Variants in NOL9 observed in about 807,000 individuals in gnomAD.
NOL9 encodes polynucleotide 5'-hydroxyl-kinase NOL9.
A neutral mutation model predicts 67.9 loss-of-function variants in NOL9; 28 were observed. That is an observed-to-expected ratio of 0.41 (90% CI 0.31 to 0.57). The LOEUF (loss-of-function observed/expected upper bound fraction) is 0.57. NOL9 is among the 20% of genes least tolerant of loss of function. The probability of loss-of-function intolerance (pLI) is 0.25; values close to 1 mark genes in which losing one functional copy is unlikely to be tolerated. For synonymous variants in NOL9, 356 were observed against 352.2 expected, an observed-to-expected ratio of 1.01 and a Z score of -0.12; for missense variants, 777 against 897.0, an observed-to-expected ratio of 0.87 and a Z score of 1.71.
chr1:6,528,734 AG>A (rs1179842398), intron 10 of NOL9, among the ~76,000 whole-genome samples: 2 of 152,236 alleles, frequency 1.3e-5, no homozygotes, highest in Non-Finnish European at 2.9e-5. Context: ...GAGACAGCCT[AG>A]GGGAGAAGTG....
intron 6 of NOL9, among the ~76,000 whole-genome samples, chr1:6,534,790 T>C (rs1223854846): frequency 6.6e-6 from 1 of 152,032 alleles, no homozygotes; most frequent in African/African-American, 2.4e-5. Context: ...TCTGTCTCTC[T>C]CTCTTTCTCT....
chr1:6,551,648 C>T (rs1639545061), intron 1 of NOL9, among the ~76,000 whole-genome samples: 1 of 151,854 alleles, frequency 6.6e-6, no homozygotes, highest in South Asian at 2.1e-4. Context: ...TAAAAGGCTG[C>T]AGCCATAAAA....
Position 6,532,727 on chromosome 1 carries a change from C to T in NOL9, c.1271G>A (p.Arg424Gln), listed in dbSNP as rs774171115. 2 of 1,613,812 alleles carry T rather than the reference C, an allele frequency of 1.2e-6. No individual in the cohort carries two copies. The highest frequency in any genetic ancestry group is 1.3e-5 in the African/African-American group (1 of 74,986). Residue 424 changes from arginine to glutamine, a missense_variant, in exon 8 of 12, where the codon CGA becomes CAA. Physicochemically the swap from Arg to Gln is conservative, Grantham distance 43. Coordinates refer to ENST00000377705, the MANE Select transcript of NOL9 (RefSeq NM_024654.5). ...AACCACGTGGCTGGGAGACAGCAAT[C>T]GGATCAGATCAATGAGAAGCAGGAG... ...QGLLLLIDLI[R>Q]LLSPSHVVQF...
intron 8 of NOL9, 113 bp from the exon 9 acceptor site, chr1:6,532,192 C>G (rs1639044328): frequency 1.2e-6 from 1 of 864,680 alleles, no homozygotes; most frequent in African/African-American, 1.7e-5. Context: ...TCCAACACTG[C>G]CCCCCCTTGA....
chr1:6,550,375 T>C, intron 2 of NOL9, 21 bp downstream of exon 2: 1 of 1,601,416 alleles, frequency 6.2e-7, no homozygotes, highest in Non-Finnish European at 8.6e-7. Context: ...CCTCAGTAAA[T>C]TACCCAGTTC....
chr1:6,552,488 T>C (rs1180473135), intron 1 of NOL9, among the ~76,000 whole-genome samples: 1 of 152,190 alleles, frequency 6.6e-6, no homozygotes. Context: ...TTTGGGACAG[T>C]ATCAGCTTAC....
Position 6,544,885 on chromosome 1 carries a change from T to A in NOL9, c.918A>T (p.Gly306=), listed in dbSNP as rs770279030. The change falls in exon 5 of 12, where the codon GGA becomes GGT. Residue 306 remains glycine (G), a synonymous_variant. Coordinates refer to ENST00000377705, the MANE Select transcript of NOL9 (RefSeq NM_024654.5). Reference sequence around the variant, plus strand: ...ATGTTGACTTTCCAACATCCTGGGATCCACAAACTAGAATGACAGGGCAGC... The same window carrying A: ...ATGTTGACTTTCCAACATCCTGGGAACCACAAACTAGAATGACAGGGCAGC... ...VDGCPVILVC[G]SQDVGKSTFN... is the part of the protein sequence containing the mutation. 6.2e-7 allele frequency: 1 copy of A among 1,614,196 alleles called. No homozygotes were observed. The highest frequency in any genetic ancestry group is 1.1e-5 in the South Asian group (1 of 91,082).
chr1:6,549,813 T>C (rs765149343), intron 2 of NOL9, 115 bp from the exon 3 acceptor site: 4 of 1,279,534 alleles, frequency 3.1e-6, no homozygotes, highest in Non-Finnish European at 4.3e-6. Context: ...GGAATTACGG[T>C]TGAGAGCCTT....
intron 10 of NOL9, among the ~76,000 whole-genome samples, chr1:6,528,625 C>A (rs1214421330): frequency 6.6e-6 from 1 of 152,214 alleles, no homozygotes; most frequent in Admixed American, 6.5e-5. Flanking sequence ...AGTGAAGATG[C>A]ACACTGACAA....
In NOL9 at chr1:6,532,728, G is replaced by A. The variant is rs776619358; in HGVS notation, c.1270C>T (p.Arg424Ter). Residue 424 changes from arginine (R) to a stop codon, truncating the protein, a stop_gained, in exon 8 of 12, where the codon CGA (arginine) becomes TGA (stop). Transcript: ENST00000377705. LOFTEE classifies it high-confidence loss of function. ...ACCACGTGGCTGGGAGACAGCAATC[G>A]GATCAGATCAATGAGAAGCAGGAGC... Reference protein sequence around the residue: ...QGLLLLIDLIRLLSPSHVVQF... With the variant: ...QGLLLLIDLI 6 of 1,613,848 alleles carry A rather than the reference G, an allele frequency of 3.7e-6. No homozygotes were observed. The highest frequency in any genetic ancestry group is 5.1e-6 in the Non-Finnish European group (6 of 1,179,784).
At chr1:6,541,587 T>C (rs1029360982) in intron 6 of NOL9, among the ~76,000 whole-genome samples, 11 of 152,204 alleles carry the variant, frequency 7.2e-5, no homozygotes, top group Non-Finnish European at 1.3e-4. Context: ...AACAAAATAA[T>C]TTTTGCCACC....
At chr1:6,533,950 C>T (rs570226480) in intron 6 of NOL9, among the ~76,000 whole-genome samples, 8 of 151,320 alleles carry the variant, frequency 5.3e-5, no homozygotes, top group Non-Finnish European at 7.4e-5. Flanking sequence ...TGCAATGGTG[C>T]GATCTTGGCT....
Position 6,550,407 on chromosome 1 carries a change from T to C in NOL9, c.605A>G (p.His202Arg), listed in dbSNP as rs1029697355. The C allele has an allele frequency of 2.5e-6, 4 of 1,608,760 alleles. No individual in the cohort carries two copies. In the Admixed American group the frequency reaches 6.7e-5, roughly 27 times the overall value. The change falls in exon 2 of 12, where the codon CAT (histidine) becomes CGT (arginine). Residue 202 changes from histidine (H) to arginine (R), a missense_variant. By Grantham distance (29) the His-to-Arg change is conservative. This residue lies in a region of NOL9 where 364 missense variants were observed against 344.4 expected (regional missense o/e 1.06). Coordinates refer to ENST00000377705, the MANE Select transcript of NOL9 (RefSeq NM_024654.5). ...GTTCTTTTCATTACCAAGGTTAAGA[T>C]GAGATTTGAGCAAATTCCGGGCTTC... ...KREARNLLKS[H>R]LNLDDRRWSM...
At chr1:6,535,450 C>T (rs1003443995) in intron 6 of NOL9, among the ~76,000 whole-genome samples, 2 of 152,188 alleles carry the variant, frequency 1.3e-5, no homozygotes, top group African/African-American at 4.8e-5. Flanking sequence ...AGGGTCAGTA[C>T]AGCTGGAGAG....
Position 6,554,408 on chromosome 1 carries a change from C to A in NOL9, c.95G>T (p.Arg32Leu). 6.6e-7 allele frequency: 1 copy of A among 1,509,332 alleles called. No individual in the cohort carries two copies. Among genetic ancestry groups the A allele is most frequent in the South Asian group, 1.3e-5 (1 of 79,544 alleles). 93.5% of individuals were successfully genotyped at this position (1,509,332 alleles called of 1,614,324 possible). Residue 32 changes from arginine (R) to leucine (L), a missense_variant, in exon 1 of 12, where the codon CGG becomes CTG. Transcript: ENST00000377705. ...KARPQLILSR[R>L]PRRRLGSLRW... The stretch of plus-strand genomic sequence containing the variant: ...CAGGCTCCCGAGCCGGCGGCGGGGC[C>A]GGCGGCTGAGGATGAGCTGGGGCCG...
intron 6 of NOL9, among the ~76,000 whole-genome samples, chr1:6,539,479 ATT>A (rs1639227909): frequency 1.5e-4 from 1 of 6,826 alleles, no homozygotes; most frequent in Non-Finnish European, 1.1e-3. Flanking sequence ...ATCAAAAAGA[ATT>A]ATTATTATTA....
chr1:6,550,262 A>C lies in NOL9; in HGVS notation c.616+134T>G, dbSNP rs1570087039. On this transcript the variant is annotated intron_variant, in intron 2 of 11. Coordinates refer to ENST00000377705, the MANE Select transcript of NOL9 (RefSeq NM_024654.5). ...TAGCCAGGATGGTCTCGATCTCCTG[A>C]CCTCATGATCCGCCCGCCTTGGCCT... The C allele has an allele frequency of 5.7e-6, 4 of 696,700 alleles. No homozygotes were observed. The South Asian group carries it at 6.7e-5, about 12-fold the overall frequency. The allele number at this position is 696,700 out of a possible 1,614,324, so 43.2% of individuals were successfully genotyped here. A position where few individuals can be genotyped will look rare whatever the true frequency, so the allele number is the denominator to read the frequency against.
chr1:6,542,305 C>A (rs1043367013), intron 5 of NOL9, among the ~76,000 whole-genome samples: 2 of 151,668 alleles, frequency 1.3e-5, no homozygotes, highest in Admixed American at 1.3e-4. Flanking sequence ...GGACTACAGG[C>A]ACCCACCACC....
intron 6 of NOL9, among the ~76,000 whole-genome samples, chr1:6,534,582 G>T (rs1192936029): frequency 6.6e-6 from 1 of 152,234 alleles, no homozygotes; most frequent in Non-Finnish European, 1.5e-5. Flanking sequence ...GGGCAGGGAT[G>T]TGGGGTAGCC....
Sources: gnomAD v4.1 joint callset for allele counts (sites outside exome capture counted in the v4.1 genomes callset) on GRCh38, gnomAD v4.1.1 for gene constraint, gnomAD v4.1.1 regional missense constraint, MANE v1.5 for transcripts, NCBI Gene and HGNC (gene_info 2026-07-23, HGNC 2026-07-21) for gene names.